EDIL3: variants seen among roughly 807,000 people sequenced by gnomAD.
EDIL3 encodes the protein EGF-like repeat and discoidin I-like domain-containing protein 3.
Under a neutral mutation model 67.4 loss-of-function variants are expected in EDIL3, and 37 were observed. The observed-to-expected ratio is 0.55, with a 90% CI of 0.42 to 0.72. The LOEUF is 0.72. EDIL3 is among the 30% of genes least tolerant of loss of function. The pLI, the probability that EDIL3 is intolerant of heterozygous loss-of-function variation, is 0.00. For synonymous variants in EDIL3, 195 were observed against 196.3 expected, an observed-to-expected ratio of 0.99 and a Z score of 0.05; for missense variants, 527 against 586.3, an observed-to-expected ratio of 0.90 and a Z score of 1.04.
intron 1 of EDIL3, among the ~76,000 whole-genome samples, chr5:84,286,173 C>T (rs943203917): frequency 2.6e-5 from 4 of 152,106 alleles, no homozygotes; most frequent in Non-Finnish European, 4.4e-5. Context: ...ATAGCATAGG[C>T]AGTAGATTGC....
intron 1 of EDIL3, among the ~76,000 whole-genome samples, chr5:84,319,809 T>C (rs190808242): frequency 8.4e-4 from 128 of 152,200 alleles, no homozygotes; most frequent in African/African-American, 2.8e-3. Flanking sequence ...TGCCACAGAA[T>C]ACTATGCAGC....
intron 1 of EDIL3, among the ~76,000 whole-genome samples, chr5:84,353,076 T>C (rs552757155): frequency 9.9e-5 from 15 of 152,104 alleles, no homozygotes; most frequent in Non-Finnish European, 1.6e-4. Flanking sequence ...CATCAATCAA[T>C]GTGAATAGCT....
Position 83,987,364 on chromosome 5 carries a change from A to C in EDIL3, c.1138-24004T>G, listed in dbSNP as rs751525217. Among the ~76,000 whole-genome samples the C allele has an allele frequency of 1.4e-4, 22 of 152,300 alleles. No homozygotes were observed. In the Middle Eastern group the frequency reaches 0.01, roughly 71 times the overall value. The stretch of plus-strand genomic sequence containing the variant: ...ATTTTATAACTTTTTAAAAAGTGGC[A>C]TGCCTTCATATGGTATAATGTAAAT... On this transcript the variant is annotated intron_variant, in intron 9 of 10. Coordinates refer to ENST00000296591, the MANE Select transcript of EDIL3 (RefSeq NM_005711.5).
chr5:84,088,290 G>T (rs923801967), intron 6 of EDIL3, among the ~76,000 whole-genome samples: 1 of 152,142 alleles, frequency 6.6e-6, no homozygotes, highest in Non-Finnish European at 1.5e-5. Flanking sequence ...CAAAATTTAT[G>T]TACATCTTTC....
At chr5:84,265,277 T>C (rs1011017713) in intron 1 of EDIL3, among the ~76,000 whole-genome samples, 3 of 152,248 alleles carry the variant, frequency 2.0e-5, no homozygotes, top group African/African-American at 4.8e-5. Flanking sequence ...TGAGAATTTA[T>C]ACCTTATACT....
At chr5:84,346,468 G>A (rs1021921390) in intron 1 of EDIL3, among the ~76,000 whole-genome samples, 3 of 151,922 alleles carry the variant, frequency 2.0e-5, no homozygotes, top group East Asian at 1.9e-4. Flanking sequence ...GGCTCACCCC[G>A]ATCTATATTT....
intron 2 of EDIL3, among the ~76,000 whole-genome samples, chr5:84,234,643 G>T (rs1744645009): frequency 6.6e-6 from 1 of 152,036 alleles, no homozygotes; most frequent in Non-Finnish European, 1.5e-5. Context: ...ACCCAGTGTG[G>T]CTTACCATCA....
chr5:84,051,708 A>C (rs1206340430), intron 9 of EDIL3, among the ~76,000 whole-genome samples: 1 of 152,242 alleles, frequency 6.6e-6, no homozygotes, highest in African/African-American at 2.4e-5. Flanking sequence ...AAAGGGTATC[A>C]GTGACTGAAG....
At position 84,052,493 on chromosome 5, in the gene EDIL3, A is replaced by C. The variant is rs538099680; in HGVS notation, c.1137+7807T>G. Among the ~76,000 whole-genome samples the C allele has an allele frequency of 4.3e-4, 65 of 152,290 alleles. No individual in the cohort carries two copies. In the East Asian group the frequency reaches 0.011, roughly 25 times the overall value. On this transcript the variant is annotated intron_variant, in intron 9 of 10. Coordinates refer to ENST00000296591, the MANE Select transcript of EDIL3 (RefSeq NM_005711.5). ...TAAATATAAATGGGCTAAATGCTCC[A>C]ATTAAAAGACACAGACTGGCAAATT...
At chr5:84,023,258 A>G (rs1034625847) in intron 9 of EDIL3, among the ~76,000 whole-genome samples, 3 of 151,966 alleles carry the variant, frequency 2.0e-5, no homozygotes, top group African/African-American at 7.2e-5. Flanking sequence ...TAAATATTTT[A>G]AAATATAAAC....
intron 6 of EDIL3, among the ~76,000 whole-genome samples, chr5:84,092,604 C>A (rs1257982037): frequency 6.6e-6 from 1 of 151,972 alleles, no homozygotes; most frequent in East Asian, 1.9e-4. Context: ...GTAAATATTA[C>A]AAATTTCATA....
intron 9 of EDIL3, among the ~76,000 whole-genome samples, chr5:84,052,589 G>C (rs1490611966): frequency 6.6e-6 from 1 of 152,058 alleles, no homozygotes; most frequent in Admixed American, 6.5e-5. Flanking sequence ...ACACACATAG[G>C]CTCAAAATAA....
At chr5:84,210,275 A>T (rs1297246356) in intron 3 of EDIL3, among the ~76,000 whole-genome samples, 2 of 152,154 alleles carry the variant, frequency 1.3e-5, no homozygotes, top group African/African-American at 4.8e-5. Flanking sequence ...ACTGAAATGA[A>T]AATAAATAAG....
chr5:84,056,377 G>A (rs1041987736), intron 9 of EDIL3, among the ~76,000 whole-genome samples: 2 of 152,022 alleles, frequency 1.3e-5, no homozygotes, highest in East Asian at 1.9e-4. Flanking sequence ...GGTAAATGAC[G>A]AGTTAATGGG....
At chr5:84,056,515 G>A (rs181719712) in intron 9 of EDIL3, among the ~76,000 whole-genome samples, 1,606 of 136,042 alleles carry the variant, frequency 0.012, 18 homozygotes, top group Non-Finnish European at 0.017. Context: ...GAATACATAC[G>A]AATTCCCAAA....
intron 3 of EDIL3, among the ~76,000 whole-genome samples, chr5:84,203,424 G>A (rs113007883): frequency 0.01 from 1,541 of 152,232 alleles, 32 homozygotes; most frequent in African/African-American, 0.035. Flanking sequence ...CCCCTTAACA[G>A]GACTAAGTCA....
intron 1 of EDIL3, among the ~76,000 whole-genome samples, chr5:84,308,403 G>A (rs1158911447): frequency 6.6e-6 from 1 of 152,176 alleles, no homozygotes; most frequent in Non-Finnish European, 1.5e-5. Flanking sequence ...ACCTTAAGGT[G>A]ACATGCACAT....
At chr5:83,967,080 T>C (rs181680914) in intron 9 of EDIL3, among the ~76,000 whole-genome samples, 1 of 152,208 alleles carries the variant, frequency 6.6e-6, no homozygotes, top group East Asian at 1.9e-4. Context: ...CCCAGCACTT[T>C]GGGAGGCCGA....
intron 9 of EDIL3, among the ~76,000 whole-genome samples, chr5:84,011,486 C>A (rs1375083962): frequency 6.6e-6 from 1 of 152,186 alleles, no homozygotes; most frequent in African/African-American, 2.4e-5. Context: ...TCTACTCTTG[C>A]TTTCCTACAG....
Sources: gnomAD v4.1 joint callset for allele counts (sites outside exome capture counted in the v4.1 genomes callset) on GRCh38, gnomAD v4.1.1 for gene constraint, MANE v1.5 for transcripts, NCBI Gene and HGNC (gene_info 2026-07-23, HGNC 2026-07-21) for gene names.